The following ANKRD11 variants were observed in gnomAD, a reference collection of about 807,000 sequenced individuals.
The protein encoded by ANKRD11 is ankyrin repeat domain-containing protein 11.
ANKRD11 carries 17 observed loss-of-function variants against 195.7 expected under a neutral mutation model. The observed-to-expected ratio is 0.09, with a 90% CI of 0.06 to 0.13. The LOEUF (loss-of-function observed/expected upper bound fraction) is 0.13, where lower values mean the gene tolerates loss of function less well. ANKRD11 is among the 10% of genes least tolerant of loss of function. The pLI is 1.00. For missense variants in ANKRD11, 3,735 were observed against 3,566.1 expected, an observed-to-expected ratio of 1.05 and a Z score of -1.21; for synonymous variants, 1,953 against 1,528.1, an observed-to-expected ratio of 1.28 and a Z score of -6.49.
In ANKRD11 at chr16:89,295,985, CTTTT is replaced by C. The variant is rs60214636; in HGVS notation, c.227-4806_227-4803del. On this transcript the variant is annotated intron_variant, in intron 4 of 12. Transcript: ENST00000301030. ...GGGAGTGTCTTCTCTATCTGGCTGC[CTTTT>C]TTTTTTTTTTTTTTTTTGAGACAAG... Among the ~76,000 whole-genome samples the C allele has an allele frequency of 6.6e-4, 30 of 45,146 alleles. 2 individuals carry two copies. The highest frequency in any genetic ancestry group is 1.3e-3 in the East Asian group (2 of 1,530). The allele number at this position is 45,146 out of a possible 152,430, so 29.6% of individuals were successfully genotyped here. A position where few individuals can be genotyped will look rare whatever the true frequency, so the allele number is the denominator to read the frequency against.
intron 2 of ANKRD11, among the ~76,000 whole-genome samples, chr16:89,379,304 C>A (rs1567722265): frequency 6.6e-6 from 1 of 152,234 alleles, no homozygotes; most frequent in South Asian, 2.1e-4. Context: ...GTGCCAGTTC[C>A]TAAGTGGAAC....
chr16:89,403,152 C>G (rs2041770046), intron 2 of ANKRD11, among the ~76,000 whole-genome samples: 1 of 152,214 alleles, frequency 6.6e-6, no homozygotes, highest in African/African-American at 2.4e-5. Flanking sequence ...AGGTAAAACA[C>G]TACAGAGAAA....
At chr16:89,449,171 T>C (rs2043945078) in intron 1 of ANKRD11, among the ~76,000 whole-genome samples, 1 of 133,864 alleles carries the variant, frequency 7.5e-6, no homozygotes, top group East Asian at 2.2e-4. Flanking sequence ...ACCAACACAG[T>C]GAAACCCAGT....
intron 9 of ANKRD11, chr16:89,278,306 G>C (rs1344831885): frequency 5.7e-6 from 2 of 353,174 alleles, no homozygotes; most frequent in Non-Finnish European, 5.6e-6. Context: ...AAAGACCCCA[G>C]TGGGTAGGAG....
rs190155705 is a variant in ANKRD11 at position 89,288,121 on chromosome 16, C to A, written c.744+407G>T. The stretch of plus-strand genomic sequence containing the variant: ...AAGCTTGAGTCTATGGTTCTGTGCA[C>A]TGGCCACACCTCTTGGTGTTACCTC... On this transcript the variant is annotated intron_variant, in intron 7 of 12. Transcript: ENST00000301030. 120 of 597,544 alleles carry A rather than the reference C, an allele frequency of 2.0e-4. 1 individual carries two copies. The East Asian group carries it at 3.2e-3, about 16-fold the overall frequency. 37.0% of individuals were successfully genotyped at this position (597,544 alleles called of 1,614,324 possible). A position where few individuals can be genotyped will look rare whatever the true frequency, so the allele number is the denominator to read the frequency against.
chr16:89,418,395 A>G (rs956575823), intron 1 of ANKRD11, 27 bp from the exon 2 acceptor site: 17 of 426,002 alleles, frequency 4.0e-5, no homozygotes, highest in African/African-American at 3.2e-4. Flanking sequence ...AGATTAGCTC[A>G]TGTCAATAAT....
chr16:89,452,812 A>G (rs2044143693), intron 1 of ANKRD11, among the ~76,000 whole-genome samples: 1 of 146,862 alleles, frequency 6.8e-6, no homozygotes, highest in African/African-American at 2.5e-5. Flanking sequence ...GAATACTTTG[A>G]TGGTATCTTT....
At chr16:89,449,430 C>G (rs746706720) in intron 1 of ANKRD11, among the ~76,000 whole-genome samples, 5 of 152,016 alleles carry the variant, frequency 3.3e-5, no homozygotes, top group Non-Finnish European at 4.4e-5. Context: ...AAACCAGGAT[C>G]TCTGGAAATG....
intron 1 of ANKRD11, among the ~76,000 whole-genome samples, chr16:89,478,992 C>T (rs573534595): frequency 1.3e-5 from 2 of 152,200 alleles, no homozygotes; most frequent in African/African-American, 4.8e-5. Flanking sequence ...ACTCTGTCAC[C>T]GGGGCTAGAG....
At position 89,280,853 on chromosome 16, in the gene ANKRD11, C is replaced by T; in HGVS notation, c.5689G>A (p.Glu1897Lys). Reference sequence around the variant, plus strand: ...CCTTCGAGGGAAGGAACCAGCAGCTCGGCTCTGGGGGAAGGGGAAGGTTTT... The same window carrying T: ...CCTTCGAGGGAAGGAACCAGCAGCTTGGCTCTGGGGGAAGGGGAAGGTTTT... ...QAKPSPSPRA[E>K]LLVPSLEGAL... Residue 1897 changes from glutamate (E) to lysine (K), a missense_variant, in exon 9 of 13, where the codon GAG becomes AAG. Glu to Lys is a moderately conservative substitution (Grantham distance 56, BLOSUM62 1). Coordinates refer to ENST00000301030, the MANE Select transcript of ANKRD11 (RefSeq NM_013275.6). 5 of 1,603,622 alleles carry T rather than the reference C, an allele frequency of 3.1e-6. No individual in the cohort carries two copies. Among genetic ancestry groups the T allele is most frequent in the Non-Finnish European group, 4.3e-6 (5 of 1,172,204 alleles).
At chr16:89,446,040 T>C (rs779810438) in intron 1 of ANKRD11, among the ~76,000 whole-genome samples, 2 of 151,014 alleles carry the variant, frequency 1.3e-5, no homozygotes, top group African/African-American at 2.4e-5. Flanking sequence ...TATATGTTCC[T>C]GCCTAAGAGA....
intron 2 of ANKRD11, among the ~76,000 whole-genome samples, chr16:89,414,091 T>A (rs989707184): frequency 1.3e-5 from 2 of 152,214 alleles, no homozygotes; most frequent in Admixed American, 1.3e-4. Context: ...CTGCTCGGAC[T>A]GCGCACTCGG....
intron 2 of ANKRD11, among the ~76,000 whole-genome samples, chr16:89,388,955 G>A (rs113940941): frequency 6.6e-6 from 1 of 152,166 alleles, no homozygotes; most frequent in Non-Finnish European, 1.5e-5. Context: ...ATGACTTACA[G>A]GAATATACAA....
At chr16:89,311,386 G>A (rs917742407) in intron 3 of ANKRD11, among the ~76,000 whole-genome samples, 6 of 152,162 alleles carry the variant, frequency 3.9e-5, no homozygotes, top group Non-Finnish European at 7.3e-5. Flanking sequence ...TTTGGTATCA[G>A]TATAGTACTA....
chr16:89,441,767 C>CAAAAAAAAAAAAAAAAAAA (rs57747159), intron 1 of ANKRD11, among the ~76,000 whole-genome samples: 2 of 52,372 alleles, frequency 3.8e-5, no homozygotes, highest in Non-Finnish European at 6.4e-5. Flanking sequence ...ACTCCGCCTA[C>CAAAAAAAAAAAAAAAAAAA]AAAAAAAAAA....
intron 1 of ANKRD11, among the ~76,000 whole-genome samples, chr16:89,485,386 C>A (rs1056609431): frequency 5.9e-5 from 9 of 151,526 alleles, no homozygotes; most frequent in Non-Finnish European, 4.4e-5. Flanking sequence ...CCCAGCTACT[C>A]GGGAGGCTGA....
chr16:89,485,408 C>G (rs1198624850), intron 1 of ANKRD11, among the ~76,000 whole-genome samples: 1 of 151,720 alleles, frequency 6.6e-6, no homozygotes, highest in African/African-American at 2.4e-5. Context: ...GCAGAAGAAT[C>G]ACTTGAATCC....
intron 1 of ANKRD11, among the ~76,000 whole-genome samples, chr16:89,435,744 G>C (rs1298504182): frequency 6.7e-6 from 1 of 149,866 alleles, no homozygotes; most frequent in Non-Finnish European, 1.5e-5. Context: ...AAGACCAACT[G>C]ACTGTCCACT....
intron 1 of ANKRD11, among the ~76,000 whole-genome samples, chr16:89,462,446 T>C (rs2056713109): frequency 6.6e-6 from 1 of 152,212 alleles, no homozygotes; most frequent in African/African-American, 2.4e-5. Context: ...CCGCCTGCCT[T>C]GGCCTCCCAA....
Sources: gnomAD v4.1 joint callset for allele counts (sites outside exome capture counted in the v4.1 genomes callset) on GRCh38, gnomAD v4.1.1 for gene constraint, MANE v1.5 for transcripts, NCBI Gene and HGNC (gene_info 2026-07-23, HGNC 2026-07-21) for gene names.